RBFOX1: variants seen among roughly 807,000 people sequenced by gnomAD.
The protein encoded by RBFOX1 is RNA binding fox-1 homolog 1.
In RBFOX1, 8 loss-of-function variants were observed where a neutral mutation model predicts 57.7. The observed-to-expected ratio is 0.14, with a 90% confidence interval of 0.08 to 0.25. The LOEUF (loss-of-function observed/expected upper bound fraction) is 0.25, where lower values mean the gene tolerates loss of function less well. Among genes scored for constraint, RBFOX1 ranks in the 10% least tolerant of loss-of-function variants. The pLI is 1.00. For synonymous variants in RBFOX1, 326 were observed against 222.4 expected (o/e 1.47, Z -4.15); for missense variants, 611 against 548.5 (o/e 1.11, Z -1.14).
intron 4 of RBFOX1, among the ~76,000 whole-genome samples, chr16:7,150,673 G>C (rs997797553): frequency 6.6e-6 from 1 of 152,196 alleles, no homozygotes; most frequent in Non-Finnish European, 1.5e-5. Flanking sequence ...GAAAAGTAAA[G>C]TGATGTTTAG....
At chr16:7,546,328 A>AAAAATAAAATAAAAT (rs59260994) in intron 5 of RBFOX1, among the ~76,000 whole-genome samples, 341 of 148,660 alleles carry the variant, frequency 2.3e-3, no homozygotes, top group African/African-American at 8.1e-3. Context: ...CTCCACCTCA[A>AAAAATAAAATAAAAT]AAAATAAAAT....
intron 2 of RBFOX1, among the ~76,000 whole-genome samples, chr16:5,588,999 G>A (rs2046922295): frequency 6.6e-6 from 1 of 152,334 alleles, no homozygotes; most frequent in Non-Finnish European, 1.5e-5. Context: ...CATAGGAGCA[G>A]TTTGTTAATC....
chr16:5,958,302 T>C lies in RBFOX1; in HGVS notation c.351+90967T>C, dbSNP rs576483760. ...GCATTATTTGCTAATTGTATCACACTTGTGGAGCAGTCTTTAGAAAGTGAC... is the reference window on the plus strand; with the variant it reads ...GCATTATTTGCTAATTGTATCACACCTGTGGAGCAGTCTTTAGAAAGTGAC... On this transcript the variant is annotated intron_variant, in intron 4 of 19. Transcript: ENST00000641259. Among the ~76,000 whole-genome samples the C allele has an allele frequency of 2.0e-5, 3 of 152,332 alleles. No individual in the cohort carries two copies. The South Asian group carries it at 6.2e-4, about 32-fold the overall frequency.
chr16:7,627,829 G>A (rs982919952), intron 10 of RBFOX1, among the ~76,000 whole-genome samples: 1 of 152,008 alleles, frequency 6.6e-6, no homozygotes, highest in Admixed American at 6.5e-5. Context: ...AAATTAAATT[G>A]GAGGATGCTT....
At chr16:5,661,005 A>C (rs2049629793) in intron 3 of RBFOX1, among the ~76,000 whole-genome samples, 1 of 152,076 alleles carries the variant, frequency 6.6e-6, no homozygotes, top group South Asian at 2.1e-4. Flanking sequence ...ATGAGTCCTA[A>C]GCTTTGCTGT....
intron 1 of RBFOX1, among the ~76,000 whole-genome samples, chr16:6,238,679 T>C (rs1384405110): frequency 6.6e-6 from 1 of 152,232 alleles, no homozygotes; most frequent in Non-Finnish European, 1.5e-5. Context: ...AGCAGCTTTA[T>C]GCTTTTTTTA....
chr16:7,663,109 T>C (rs1323554827), intron 12 of RBFOX1, among the ~76,000 whole-genome samples: 3 of 152,214 alleles, frequency 2.0e-5, no homozygotes, highest in Non-Finnish European at 4.4e-5. Flanking sequence ...GTCCTGTGGT[T>C]TGGGACCCAA....
At chr16:7,676,409 G>T (rs530658897) in intron 13 of RBFOX1, among the ~76,000 whole-genome samples, 1 of 152,292 alleles carries the variant, frequency 6.6e-6, no homozygotes, top group South Asian at 2.1e-4. Context: ...AGGTAAAGCA[G>T]AAACAATTTT....
At chr16:7,534,188 G>A (rs937178487) in intron 5 of RBFOX1, among the ~76,000 whole-genome samples, 1 of 150,714 alleles carries the variant, frequency 6.6e-6, no homozygotes, top group South Asian at 2.1e-4. Flanking sequence ...CCAGGTTCAG[G>A]CGATTCTCCT....
chr16:5,867,225 A>G, intron 3 of RBFOX1: 2 of 988,140 alleles, frequency 2.0e-6, no homozygotes, highest in Non-Finnish European at 2.6e-6. Flanking sequence ...TATTGATGCC[A>G]GTTCCTTTAA....
intron 2 of RBFOX1, among the ~76,000 whole-genome samples, chr16:6,607,503 C>T (rs1185040886): frequency 6.8e-6 from 1 of 146,688 alleles, no homozygotes; most frequent in Non-Finnish European, 1.5e-5. Flanking sequence ...CCTCTCTCTC[C>T]CCTCTCTTCT....
At chr16:5,803,534 A>T (rs1244696385) in intron 3 of RBFOX1, among the ~76,000 whole-genome samples, 2 of 152,206 alleles carry the variant, frequency 1.3e-5, no homozygotes, top group Non-Finnish European at 2.9e-5. Context: ...TTAAAATGAA[A>T]TCATGACCGT....
At chr16:7,239,278 C>T (rs542939000) in intron 4 of RBFOX1, among the ~76,000 whole-genome samples, 1 of 152,200 alleles carries the variant, frequency 6.6e-6, no homozygotes, top group South Asian at 2.1e-4. Context: ...GAGGGTAGAT[C>T]ATTTGAGGTC....
At chr16:6,561,280 G>C (rs767892279) in intron 2 of RBFOX1, among the ~76,000 whole-genome samples, 37 of 152,180 alleles carry the variant, frequency 2.4e-4, no homozygotes, top group Non-Finnish European at 5.3e-4. Context: ...GAATGTTACA[G>C]TCTGCTGGGT....
chr16:7,254,484 G>C (rs1028720040), intron 4 of RBFOX1, among the ~76,000 whole-genome samples: 20 of 135,892 alleles, frequency 1.5e-4, no homozygotes, highest in Non-Finnish European at 2.7e-4. Flanking sequence ...TCATGTTCCT[G>C]TCTCTCTCTC....
At chr16:5,526,378 T>C (rs1245813526) in intron 2 of RBFOX1, among the ~76,000 whole-genome samples, 2 of 152,214 alleles carry the variant, frequency 1.3e-5, no homozygotes, top group South Asian at 4.2e-4. Flanking sequence ...AACCCCTGCC[T>C]CCCGGGGTCA....
At chr16:6,571,275 G>C (rs1015339157) in intron 2 of RBFOX1, among the ~76,000 whole-genome samples, 1 of 152,190 alleles carries the variant, frequency 6.6e-6, no homozygotes, top group African/African-American at 2.4e-5. Flanking sequence ...GAGGGCCTGA[G>C]AACCACAGCA....
intron 4 of RBFOX1, among the ~76,000 whole-genome samples, chr16:7,182,451 A>AGCAGCC: frequency 6.6e-6 from 1 of 152,328 alleles, no homozygotes; most frequent in Non-Finnish European, 1.5e-5. Context: ...CAGCAGCAGC[A>AGCAGCC]GCTGAATTTC....
intron 4 of RBFOX1, among the ~76,000 whole-genome samples, chr16:7,088,769 C>T (rs981596713): frequency 1.3e-5 from 2 of 152,192 alleles, no homozygotes; most frequent in African/African-American, 4.8e-5. Context: ...AGTCCTTGCT[C>T]TGTGATTTCA....
Sources: allele counts gnomAD v4.1 joint callset (sites outside exome capture counted in the v4.1 genomes callset), GRCh38; gene constraint gnomAD v4.1.1; transcripts MANE v1.5; gene names NCBI Gene and HGNC (gene_info 2026-07-23, HGNC 2026-07-21).